Variants in ERI3 observed in about 807,000 individuals in gnomAD.
ERI3 encodes ERI1 exoribonuclease 3.
Under a neutral mutation model 44.4 loss-of-function variants are expected in ERI3, and 18 were observed. The observed-to-expected ratio is 0.41, with a 90% confidence interval of 0.28 to 0.60. The LOEUF (loss-of-function observed/expected upper bound fraction) is 0.60. Ranked by LOEUF, ERI3 falls within the 20% of genes least tolerant of loss-of-function variation. The probability of loss-of-function intolerance (pLI) is 0.36; values close to 1 mark genes in which losing one functional copy is unlikely to be tolerated. For missense variants in ERI3, 294 were observed against 435.5 expected, an observed-to-expected ratio of 0.68 and a Z score of 2.89; for synonymous variants, 183 against 164.8, an observed-to-expected ratio of 1.11 and a Z score of -0.84.
chr1:44,301,095 A>G (rs1645716509), intron 6 of ERI3, among the ~76,000 whole-genome samples: 1 of 152,126 alleles, frequency 6.6e-6, no homozygotes, highest in Admixed American at 6.5e-5. Flanking sequence ...AGAGATTTAT[A>G]TCGAGTGACT....
chr1:44,325,061 G>C (rs962835446), intron 3 of ERI3, among the ~76,000 whole-genome samples: 1 of 144,834 alleles, frequency 6.9e-6, no homozygotes, highest in Non-Finnish European at 1.5e-5. Context: ...TTGGAGCAGA[G>C]ATTTTAAACA....
chr1:44,252,321 C>T lies in ERI3; in HGVS notation c.832-4283G>A, dbSNP rs1234003725. Among the ~76,000 whole-genome samples, 2 of 152,216 alleles carry T rather than the reference C, an allele frequency of 1.3e-5. No homozygotes were observed. The highest frequency in any genetic ancestry group is 2.4e-5 in the African/African-American group (1 of 41,456). On this transcript the variant is annotated intron_variant, in intron 7 of 8. Transcript: ENST00000372257. This position sits in a 1 kb window ranked among gnomAD's most constrained non-coding sequence, Gnocchi z 4.7. ...TTTCCATGCACAGGGAAGCAGGTGC[C>T]GAGCTGCTCCCGGCTGGCTCTCCCC...
intron 6 of ERI3, among the ~76,000 whole-genome samples, chr1:44,291,753 T>C (rs1295803): frequency 0.57 from 87,363 of 152,142 alleles, 26,985 homozygotes; most frequent in East Asian, 0.74. Flanking sequence ...GAGGATGCCA[T>C]TGGCAGCACT....
At chr1:44,243,866 G>A (rs2154317747) in intron 8 of ERI3, 1 of 152,254 alleles carries the variant, frequency 6.6e-6, no homozygotes, top group Non-Finnish European at 1.5e-5. Flanking sequence ...CACCAAAAGG[G>A]TGCTTCATAG....
Position 44,228,608 on chromosome 1 carries a change from C to G in ERI3, c.932-6968G>C, listed in dbSNP as rs186219091. On this transcript the variant is annotated intron_variant, in intron 8 of 8. Transcript: ENST00000372257. This position sits in a 1 kb window ranked among gnomAD's most constrained non-coding sequence, Gnocchi z 4.3. The stretch of plus-strand genomic sequence containing the variant: ...ATTAAGGCAATCAAACACTTACCGC[C>G]GCTCCTGGAGGCCAGGCATGGAAAT... Among the ~76,000 whole-genome samples the G allele has an allele frequency of 4.0e-4, 61 of 152,272 alleles. 1 individual carries two copies. The highest frequency in any genetic ancestry group is 1.4e-3 in the African/African-American group (59 of 41,546).
At chr1:44,222,296 G>C (rs1458451561) in intron 8 of ERI3, among the ~76,000 whole-genome samples, 2 of 152,206 alleles carry the variant, frequency 1.3e-5, no homozygotes, top group Non-Finnish European at 2.9e-5. Context: ...GGATGGGGAG[G>C]GTCCAGATTT....
At chr1:44,344,338 C>A (rs1384874493) in intron 2 of ERI3, among the ~76,000 whole-genome samples, 1 of 152,022 alleles carries the variant, frequency 6.6e-6, no homozygotes, top group Non-Finnish European at 1.5e-5. Flanking sequence ...AAATATCACA[C>A]AGACAGTATT....
intron 8 of ERI3, among the ~76,000 whole-genome samples, chr1:44,236,397 T>A (rs1225738415): frequency 6.6e-6 from 1 of 152,178 alleles, no homozygotes; most frequent in Non-Finnish European, 1.5e-5. Context: ...ATTTCTTAAT[T>A]ACAACTGTGA....
intron 8 of ERI3, among the ~76,000 whole-genome samples, chr1:44,245,316 G>A (rs140976404): frequency 6.6e-6 from 1 of 152,090 alleles, no homozygotes; most frequent in Non-Finnish European, 1.5e-5. Context: ...CCACACCTCA[G>A]AGCCAGCCTG....
intron 8 of ERI3, among the ~76,000 whole-genome samples, chr1:44,231,097 C>A (rs995466570): frequency 6.6e-6 from 1 of 152,174 alleles, no homozygotes; most frequent in East Asian, 1.9e-4. Context: ...TATGCACATA[C>A]CCTGAAGGTA....
chr1:44,245,628 G>A (rs1376748413), intron 8 of ERI3, among the ~76,000 whole-genome samples: 1 of 152,170 alleles, frequency 6.6e-6, no homozygotes, highest in African/African-American at 2.4e-5. Context: ...GCCCCATAGG[G>A]CCCAGCCAGA....
chr1:44,266,554 A>T (rs1644994361), intron 7 of ERI3, among the ~76,000 whole-genome samples: 1 of 152,218 alleles, frequency 6.6e-6, no homozygotes, highest in African/African-American at 2.4e-5. Context: ...CCAGAGTTTA[A>T]ATCCTTAAGT....
At chr1:44,288,565 T>C (rs1304802173) in intron 6 of ERI3, among the ~76,000 whole-genome samples, 2 of 152,142 alleles carry the variant, frequency 1.3e-5, no homozygotes, top group African/African-American at 2.4e-5. Flanking sequence ...CATCATCCCT[T>C]ACACAAAAGA....
At chr1:44,242,886 C>T (rs1644470691) in intron 8 of ERI3, among the ~76,000 whole-genome samples, 1 of 152,226 alleles carries the variant, frequency 6.6e-6, no homozygotes, top group Non-Finnish European at 1.5e-5. Flanking sequence ...CCGCACCCCC[C>T]TCAACGAGGA....
intron 8 of ERI3, among the ~76,000 whole-genome samples, chr1:44,237,195 G>A (rs1342024855): frequency 6.6e-6 from 1 of 152,114 alleles, no homozygotes; most frequent in Non-Finnish European, 1.5e-5. Flanking sequence ...GAACACGGCT[G>A]GCAACATTGA....
At chr1:44,268,326 C>A (rs1224047224) in intron 7 of ERI3, among the ~76,000 whole-genome samples, 1 of 152,072 alleles carries the variant, frequency 6.6e-6, no homozygotes, top group African/African-American at 2.4e-5. Flanking sequence ...GAGCACAGGA[C>A]TCTTGCTACC....
intron 7 of ERI3, among the ~76,000 whole-genome samples, chr1:44,251,095 G>A (rs770111405): frequency 5.3e-5 from 8 of 152,318 alleles, no homozygotes; most frequent in Non-Finnish European, 1.0e-4. Flanking sequence ...GCCAACAGAC[G>A]CAGATAGCTG....
intron 2 of ERI3, among the ~76,000 whole-genome samples, chr1:44,350,264 T>A (rs1646862123): frequency 6.7e-6 from 1 of 149,012 alleles, no homozygotes. Flanking sequence ...AGGATTTTAA[T>A]CTTTTTTTTT....
chr1:44,258,733 T>C (rs947704206), intron 7 of ERI3, among the ~76,000 whole-genome samples: 1 of 152,052 alleles, frequency 6.6e-6, no homozygotes, highest in Non-Finnish European at 1.5e-5. Context: ...CTCAGACCAG[T>C]GGTCTGAGCT....
Sources: gnomAD v4.1 joint callset for allele counts (sites outside exome capture counted in the v4.1 genomes callset) on GRCh38, gnomAD v4.1.1 for gene constraint, Gnocchi (gnomAD v3.1) non-coding constraint, MANE v1.5 for transcripts, NCBI Gene and HGNC (gene_info 2026-07-23, HGNC 2026-07-21) for gene names.